The following MOB3B variants were observed in gnomAD, a reference collection of about 807,000 sequenced individuals.
The protein encoded by MOB3B is MOB kinase activator-like 2B.
Under a neutral mutation model 18.7 loss-of-function variants are expected in MOB3B, and 7 were observed. The ratio of observed to expected loss-of-function variants is 0.37; its 90% CI spans 0.21 to 0.70. MOB3B has a LOEUF of 0.70. MOB3B is among the 30% of genes least tolerant of loss of function. The pLI, the probability that MOB3B is intolerant of heterozygous loss-of-function variation, is 0.52. For synonymous variants in MOB3B, 111 were observed against 99.9 expected (o/e 1.11, Z -0.66); for missense variants, 253 against 281.3 (o/e 0.90, Z 0.72).
At chr9:27,390,264 T>C (rs1235214726) in intron 2 of MOB3B, among the ~76,000 whole-genome samples, 1 of 152,128 alleles carries the variant, frequency 6.6e-6, no homozygotes, top group East Asian at 1.9e-4. Flanking sequence ...ATTATATATA[T>C]TTTTGAGACT....
At chr9:27,478,356 G>C (rs1430863621) in intron 1 of MOB3B, among the ~76,000 whole-genome samples, 1 of 152,122 alleles carries the variant, frequency 6.6e-6, no homozygotes, top group Admixed American at 6.6e-5. Flanking sequence ...CTTACAGTAA[G>C]AGAATAATCT....
rs1820769315 is a variant in MOB3B, at chr9:27,330,421, AG to A, written c.*165del. On this transcript the variant is annotated 3_prime_UTR_variant, in exon 4 of 4. Coordinates refer to ENST00000262244, the MANE Select transcript of MOB3B (RefSeq NM_024761.5). ...GGCTAGCAGCACTCAGAAGGTTAAG[AG>A]CACACAAAGTGAGTGGGGAATGTCT... 5 of 823,748 alleles carry A rather than the reference AG, an allele frequency of 6.1e-6. No individual in the cohort carries two copies. The highest frequency in any genetic ancestry group is 9.4e-6 in the Non-Finnish European group (5 of 530,074). The allele number at this position is 823,748 out of a possible 1,614,324, so 51.0% of individuals were successfully genotyped here.
At chr9:27,350,597 T>C (rs552847387) in intron 3 of MOB3B, among the ~76,000 whole-genome samples, 1 of 152,322 alleles carries the variant, frequency 6.6e-6, no homozygotes, top group Admixed American at 6.5e-5. Flanking sequence ...CAGAGACATG[T>C]GGCTATTTTT....
At chr9:27,462,219 AT>A (rs534030686) in intron 1 of MOB3B, among the ~76,000 whole-genome samples, 2 of 151,982 alleles carry the variant, frequency 1.3e-5, no homozygotes, top group South Asian at 2.1e-4. Flanking sequence ...GATTATACTG[AT>A]TTTTTTTAAA....
chr9:27,358,970 C>T (rs544717998), intron 3 of MOB3B, 64 bp downstream of exon 3: 186 of 1,497,944 alleles, frequency 1.2e-4, no homozygotes, highest in Non-Finnish European at 1.5e-4. Flanking sequence ...ATTGACAATG[C>T]GCTCTGACAA....
At chr9:27,495,303 C>G (rs1301681997) in intron 1 of MOB3B, among the ~76,000 whole-genome samples, 1 of 151,946 alleles carries the variant, frequency 6.6e-6, no homozygotes, top group Non-Finnish European at 1.5e-5. Flanking sequence ...CACACTCCAG[C>G]CTGGTGACAG....
At chr9:27,378,801 A>G (rs1192574766) in intron 2 of MOB3B, 1 of 396,734 alleles carries the variant, frequency 2.5e-6, no homozygotes, top group Non-Finnish European at 5.2e-6. Context: ...GACTGGAAGG[A>G]TAGGGCTCAA....
chr9:27,331,372 C>A (rs1820788390), intron 3 of MOB3B, among the ~76,000 whole-genome samples: 1 of 152,142 alleles, frequency 6.6e-6, no homozygotes, highest in Admixed American at 6.5e-5. Context: ...GCTGGGAGAC[C>A]TTCCCGCACT....
At chr9:27,512,405 T>G (rs60209390) in intron 1 of MOB3B, among the ~76,000 whole-genome samples, 4,927 of 152,154 alleles carry the variant, frequency 0.032, 107 homozygotes, top group Middle Eastern at 0.065. Flanking sequence ...ATAAAATAAC[T>G]AAATAATCTA....
intron 2 of MOB3B, chr9:27,391,648 G>A (rs1821729763): frequency 6.6e-6 from 1 of 152,198 alleles, no homozygotes; most frequent in African/African-American, 2.4e-5. Flanking sequence ...GCAATCAAGA[G>A]AAATCTGCGT....
At chr9:27,414,647 T>C (rs1462715864) in intron 2 of MOB3B, among the ~76,000 whole-genome samples, 1 of 152,180 alleles carries the variant, frequency 6.6e-6, no homozygotes, top group East Asian at 1.9e-4. Flanking sequence ...TTACACGTGG[T>C]GCAGTTTTCA....
intron 2 of MOB3B, among the ~76,000 whole-genome samples, chr9:27,392,419 G>C (rs1425108608): frequency 1.3e-5 from 2 of 152,106 alleles, no homozygotes; most frequent in African/African-American, 2.4e-5. Flanking sequence ...CTAGACTTCT[G>C]GGTTTCAAAA....
intron 2 of MOB3B, among the ~76,000 whole-genome samples, chr9:27,386,738 T>A (rs1205590737): frequency 2.0e-5 from 3 of 152,182 alleles, no homozygotes; most frequent in Non-Finnish European, 4.4e-5. Context: ...TCAGAGCACA[T>A]CTTGAAGGAA....
At chr9:27,490,822 T>C (rs1453878330) in intron 1 of MOB3B, among the ~76,000 whole-genome samples, 1 of 152,132 alleles carries the variant, frequency 6.6e-6, no homozygotes, top group African/African-American at 2.4e-5. Flanking sequence ...ATTTTTAACA[T>C]AATAAATACC....
chr9:27,422,343 CCAACTT>C (rs1372979798), intron 2 of MOB3B, among the ~76,000 whole-genome samples: 1 of 152,190 alleles, frequency 6.6e-6, no homozygotes, highest in African/African-American at 2.4e-5. Flanking sequence ...ATAGTTCAGT[CCAACTT>C]CAACGCTTTA....
chr9:27,478,134 A>G (rs1819583663), intron 1 of MOB3B, among the ~76,000 whole-genome samples: 1 of 152,246 alleles, frequency 6.6e-6, no homozygotes. Flanking sequence ...TAGGCTGTGT[A>G]AGTATCTTGA....
intron 2 of MOB3B, among the ~76,000 whole-genome samples, chr9:27,392,354 G>A (rs1243895570): frequency 2.0e-5 from 3 of 152,110 alleles, no homozygotes; most frequent in Non-Finnish European, 2.9e-5. Flanking sequence ...CAAAGAGAAC[G>A]TTTAAAACAT....
In MOB3B at chr9:27,344,793, C is replaced by T. The variant is rs556573838; in HGVS notation, c.622-14177G>A. 1.3e-5 allele frequency among the ~76,000 whole-genome samples: 2 copies of T among 152,358 alleles called. 1 individual carries two copies. Among genetic ancestry groups the T allele is most frequent in the South Asian group, 4.1e-4 (2 of 4,832 alleles). ...AAAGGTGAATAAGATGAAATCCCTTCTGGATGTGCTGTGAGCACTCTGGTC... is the reference window on the plus strand; with the variant it reads ...AAAGGTGAATAAGATGAAATCCCTTTTGGATGTGCTGTGAGCACTCTGGTC... On this transcript the variant is annotated intron_variant, in intron 3 of 3. Transcript: ENST00000262244.
chr9:27,330,351 G>A lies in MOB3B; in HGVS notation c.*236C>T. On this transcript the variant is annotated 3_prime_UTR_variant, in exon 4 of 4. Transcript: ENST00000262244. ...ATTCCCCAGCCAGAACGGTCAAGGG[G>A]CTGGTCCTTCTTTCACGTTGTGGTC... is the stretch of plus-strand genomic sequence containing the variant. 1 of 494,706 alleles carries A rather than the reference G, an allele frequency of 2.0e-6. No individual in the cohort carries two copies. The highest frequency in any genetic ancestry group is 3.6e-6 in the Non-Finnish European group (1 of 278,448). The allele number at this position is 494,706 out of a possible 1,614,324, so 30.6% of individuals were successfully genotyped here.
Sources: allele counts gnomAD v4.1 joint callset (sites outside exome capture counted in the v4.1 genomes callset), GRCh38; gene constraint gnomAD v4.1.1; transcripts MANE v1.5; gene names NCBI Gene and HGNC (gene_info 2026-07-23, HGNC 2026-07-21).